The following NECTIN3 variants were observed in gnomAD, a reference collection of about 807,000 sequenced individuals.
NECTIN3 encodes nectin-3.
NECTIN3 carries 8 observed loss-of-function variants against 49.4 expected under a neutral mutation model. The observed-to-expected ratio is 0.16, with a 90% CI of 0.10 to 0.29. NECTIN3 has a LOEUF of 0.29. NECTIN3 is among the 10% of genes least tolerant of loss of function. The probability of loss-of-function intolerance (pLI) is 1.00; values close to 1 mark genes in which losing one functional copy is unlikely to be tolerated. For missense variants in NECTIN3, 581 were observed against 654.6 expected (o/e 0.89, Z 1.23); for synonymous variants, 277 against 241.1 (o/e 1.15, Z -1.38).
At chr3:111,149,934 T>C (rs1475582678) in intron 7 of NECTIN3, among the ~76,000 whole-genome samples, 2 of 152,148 alleles carry the variant, frequency 1.3e-5, no homozygotes, top group East Asian at 1.9e-4. Context: ...TGCTATTTTT[T>C]AGCCTTGATT....
At chr3:111,143,576 A>G (rs2034802557) in intron 5 of NECTIN3, among the ~76,000 whole-genome samples, 1 of 152,000 alleles carries the variant, frequency 6.6e-6, no homozygotes, top group Admixed American at 6.6e-5. Context: ...GAATACTATC[A>G]TGGTAAGTAG....
intron 7 of NECTIN3, among the ~76,000 whole-genome samples, chr3:111,169,372 AAACT>A (rs1264351683): frequency 1.0e-3 from 141 of 139,438 alleles, no homozygotes; most frequent in African/African-American, 3.8e-3. Flanking sequence ...TTACAAACGC[AAACT>A]TTTTTTTTTT....
downstream of NECTIN3, among the ~76,000 whole-genome samples, chr3:111,141,142 A>T (rs2034734620): frequency 1.3e-5 from 2 of 151,970 alleles, no homozygotes; most frequent in Admixed American, 1.3e-4. Context: ...AAAAGTAGTG[A>T]GACATAAATG....
rs1467306173 is a variant in NECTIN3 at position 111,137,234 on chromosome 3, T to C, written c.*3019T>C. ...GTATGAAAGTAATCAATGTAAAATATAAGAAAGGAATAAATGGTACCCATT... is the reference window on the plus strand; with the variant it reads ...GTATGAAAGTAATCAATGTAAAATACAAGAAAGGAATAAATGGTACCCATT... On this transcript the variant is annotated 3_prime_UTR_variant, in exon 6 of 6. Coordinates refer to ENST00000485303, the MANE Select transcript of NECTIN3 (RefSeq NM_015480.3). 2 of 933,180 alleles carry C rather than the reference T, an allele frequency of 2.1e-6. No homozygotes were observed. Among genetic ancestry groups the C allele is most frequent in the Admixed American group, 6.2e-5 (1 of 16,090 alleles). 57.8% of individuals were successfully genotyped at this position (933,180 alleles called of 1,614,324 possible). A position where few individuals can be genotyped will look rare whatever the true frequency, so the allele number is the denominator to read the frequency against.
chr3:111,084,608 A>G (rs1443566291), intron 1 of NECTIN3, among the ~76,000 whole-genome samples: 2 of 152,262 alleles, frequency 1.3e-5, no homozygotes, highest in Middle Eastern at 3.4e-3. Context: ...AACAAGGGTG[A>G]TGTAAGGAAG....
chr3:111,147,348 C>CTTTT, intron 6 of NECTIN3: 4 of 1,018,902 alleles, frequency 3.9e-6, no homozygotes, highest in Non-Finnish European at 5.4e-6. Flanking sequence ...TTTTCTTTTG[C>CTTTT]TTTTTTTTTT....
At chr3:111,171,154 A>G (rs1411534627) in intron 7 of NECTIN3, among the ~76,000 whole-genome samples, 2 of 152,220 alleles carry the variant, frequency 1.3e-5, no homozygotes, top group African/African-American at 2.4e-5. Context: ...TAAGATGAGC[A>G]TACTGAAGCT....
chr3:111,134,522 CA>C lies in NECTIN3; in HGVS notation c.*312del. 1 of 1,000,924 alleles carries C rather than the reference CA, an allele frequency of 1.0e-6. No individual in the cohort carries two copies. The highest frequency in any genetic ancestry group is 1.2e-6 in the Non-Finnish European group (1 of 834,706). The allele number at this position is 1,000,924 out of a possible 1,614,324, so 62.0% of individuals were successfully genotyped here. On this transcript the variant is annotated 3_prime_UTR_variant, in exon 6 of 6. Coordinates refer to ENST00000485303, the MANE Select transcript of NECTIN3 (RefSeq NM_015480.3). Reference sequence around the variant, plus strand: ...CATTAAATGTATGACTTACTTGGTACAAAAATTTTTTAAAAAGGGAACTACC... The same window carrying C: ...CATTAAATGTATGACTTACTTGGTACAAAATTTTTTAAAAAGGGAACTACC...
Position 111,134,940 on chromosome 3 carries a change from A to G in NECTIN3, c.*725A>G. The G allele has an allele frequency of 2.0e-6, 2 of 982,708 alleles. No homozygotes were observed. Among genetic ancestry groups the G allele is most frequent in the Non-Finnish European group, 2.4e-6 (2 of 827,636 alleles). The allele number at this position is 982,708 out of a possible 1,614,324, so 60.9% of individuals were successfully genotyped here. On this transcript the variant is annotated 3_prime_UTR_variant, in exon 6 of 6. Coordinates refer to ENST00000485303, the MANE Select transcript of NECTIN3 (RefSeq NM_015480.3). ...TTTGTCCAAAATACCTGCAAGAGTA[A>G]TAAAATACATACCTTTCAAACATGA...
intron 6 of NECTIN3, among the ~76,000 whole-genome samples, chr3:111,147,162 CCTT>C (rs1252480215): frequency 2.0e-5 from 3 of 152,046 alleles, no homozygotes; most frequent in African/African-American, 4.8e-5. Context: ...TATTTTAATT[CCTT>C]CTTTAAATGT....
At chr3:111,097,144 T>C (rs2032634191) in intron 1 of NECTIN3, among the ~76,000 whole-genome samples, 1 of 152,180 alleles carries the variant, frequency 6.6e-6, no homozygotes, top group Admixed American at 6.5e-5. Context: ...ACCCATCTGT[T>C]GTATCAGCGT....
intron 1 of NECTIN3, among the ~76,000 whole-genome samples, chr3:111,086,149 T>G (rs1446377657): frequency 6.6e-6 from 1 of 152,218 alleles, no homozygotes; most frequent in African/African-American, 2.4e-5. Flanking sequence ...TTGTCTTTCA[T>G]CTTTTTATGG....
At chr3:111,159,329 T>A (rs1420785909) in intron 7 of NECTIN3, among the ~76,000 whole-genome samples, 1 of 152,198 alleles carries the variant, frequency 6.6e-6, no homozygotes, top group Non-Finnish European at 1.5e-5. Flanking sequence ...TACAGAGATT[T>A]ATAATGAATA....
At chr3:111,086,270 A>C (rs1434727084) in intron 1 of NECTIN3, among the ~76,000 whole-genome samples, 1 of 152,172 alleles carries the variant, frequency 6.6e-6, no homozygotes, top group Non-Finnish European at 1.5e-5. Flanking sequence ...CTGTTGATAA[A>C]AAGCAGTTCC....
intron 2 of NECTIN3, among the ~76,000 whole-genome samples, chr3:111,113,795 C>G (rs978813729): frequency 4.6e-5 from 7 of 152,004 alleles, no homozygotes; most frequent in Admixed American, 4.6e-4. Context: ...ACCAGCCTGG[C>G]CAGCATGGCA....
At chr3:111,077,182 T>C (rs776922434) in intron 1 of NECTIN3, 15 of 433,436 alleles carry the variant, frequency 3.5e-5, no homozygotes, top group East Asian at 2.1e-4. Flanking sequence ...TTGTTTTCTT[T>C]AGTATGGCAT....
intron 7 of NECTIN3, among the ~76,000 whole-genome samples, chr3:111,151,927 T>C (rs952908210): frequency 2.0e-5 from 3 of 151,754 alleles, no homozygotes; most frequent in African/African-American, 4.8e-5. Flanking sequence ...GTCTTGGCAC[T>C]GTTTCTTTAA....
At position 111,103,692 on chromosome 3, in the gene NECTIN3, A is replaced by T. The variant is rs555737141; in HGVS notation, c.161-8338A>T. Among the ~76,000 whole-genome samples the T allele has an allele frequency of 1.7e-3, 257 of 152,134 alleles. 2 individuals are homozygous for T. Among genetic ancestry groups the T allele is most frequent in the African/African-American group, 5.9e-3 (243 of 41,534 alleles). ...AGGACTTCTGGTATGCTGTTGAAAA[A>T]GGAGTAGTGAGAGGGGAAATCCTTG... is the stretch of plus-strand genomic sequence containing the variant. On this transcript the variant is annotated intron_variant, in intron 1 of 5. Transcript: ENST00000485303.
chr3:111,102,308 C>T (rs2032948605), intron 1 of NECTIN3, among the ~76,000 whole-genome samples: 1 of 152,168 alleles, frequency 6.6e-6, no homozygotes, highest in Non-Finnish European at 1.5e-5. Context: ...TCCCATTTTC[C>T]ACCTCACCCC....
Sources: gnomAD v4.1 joint callset for allele counts (sites outside exome capture counted in the v4.1 genomes callset) on GRCh38, gnomAD v4.1.1 for gene constraint, MANE v1.5 for transcripts, NCBI Gene and HGNC (gene_info 2026-07-23, HGNC 2026-07-21) for gene names.